FAM185A: variants seen among roughly 807,000 people sequenced by gnomAD.
FAM185A encodes the protein protein FAM185A.
A neutral mutation model predicts 45.7 loss-of-function variants in FAM185A; 21 were observed. That is an observed-to-expected ratio of 0.46 (90% confidence interval 0.33 to 0.66). FAM185A has a LOEUF of 0.66. Among genes scored for constraint, FAM185A ranks in the 30% least tolerant of loss-of-function variants. FAM185A has a pLI of 0.03. For synonymous variants in FAM185A, 117 were observed against 194.0 expected, an observed-to-expected ratio of 0.60 and a Z score of 3.30; for missense variants, 305 against 485.4, an observed-to-expected ratio of 0.63 and a Z score of 3.49.
intron 6 of FAM185A, among the ~76,000 whole-genome samples, chr7:102,781,172 C>A (rs1187393269): frequency 3.3e-5 from 5 of 152,210 alleles, no homozygotes; most frequent in Admixed American, 6.5e-5. Flanking sequence ...GAAGCTCGAA[C>A]TGGGTGGAGC....
rs1166283815 is a variant in FAM185A at position 102,808,384 on chromosome 7, C to T, written c.1161C>T (p.Ser387=). The T allele has an allele frequency of 6.5e-7, 1 of 1,543,644 alleles. No homozygotes were observed. Among genetic ancestry groups the T allele is most frequent in the African/African-American group, 1.4e-5 (1 of 72,838 alleles). ...TTAGAAGGCAAAGTTGGTTTCAGTC[C>T]CTGAAACTGCAGGACTAAAACTGAT... ...VSFRRQSWFQ[S]LKLQD The change falls in exon 8 of 8, where the codon TCC becomes TCT. Residue 387 remains serine (S), a synonymous_variant. Transcript: ENST00000413034.
At chr7:102,824,270 G>C in the FAM185A span, among the ~76,000 whole-genome samples, 2 of 151,954 alleles carry the variant, frequency 1.3e-5, no homozygotes, top group African/African-American at 2.4e-5. Context: ...TTGATTCCTT[G>C]AAAAAATGTT....
the FAM185A span, chr7:102,822,069 A>G: frequency 6.2e-7 from 1 of 1,614,104 alleles, no homozygotes; most frequent in East Asian, 2.2e-5. Flanking sequence ...ATTGCATCTT[A>G]AGGATCCGGA....
At chr7:102,833,596 C>T in the FAM185A span, among the ~76,000 whole-genome samples, 4,301 of 138,180 alleles carry the variant, frequency 0.031, 179 homozygotes, top group East Asian at 0.17. Context: ...CCGGCTAATT[C>T]TTTTTTTTTT....
chr7:102,843,312 G>A, the FAM185A span, among the ~76,000 whole-genome samples: 1 of 151,916 alleles, frequency 6.6e-6, no homozygotes. Context: ...GCGTGGTGGC[G>A]CATGCCTGTA....
At chr7:102,831,431 A>ACACCCCC in the FAM185A span, among the ~76,000 whole-genome samples, 3 of 147,126 alleles carry the variant, frequency 2.0e-5, no homozygotes, top group African/African-American at 7.5e-5. Flanking sequence ...ACACACACAC[A>ACACCCCC]CCCCACTACA....
the FAM185A span, among the ~76,000 whole-genome samples, chr7:102,823,422 G>A: frequency 6.6e-6 from 1 of 152,188 alleles, no homozygotes; most frequent in Non-Finnish European, 1.5e-5. Flanking sequence ...AAAGGGACAA[G>A]TAGGTGAGAC....
intron 6 of FAM185A, among the ~76,000 whole-genome samples, chr7:102,786,026 G>C (rs1480974915): frequency 6.6e-6 from 1 of 152,170 alleles, no homozygotes; most frequent in Non-Finnish European, 1.5e-5. Flanking sequence ...CAAAGGATAT[G>C]AACAGACACT....
At chr7:102,799,409 A>G (rs10241747) in intron 7 of FAM185A, among the ~76,000 whole-genome samples, 3,037 of 152,222 alleles carry the variant, frequency 0.02, 67 homozygotes, top group African/African-American at 0.069. Flanking sequence ...AAAGGGAGAG[A>G]TAAGAATTCA....
the FAM185A span, among the ~76,000 whole-genome samples, chr7:102,842,737 C>T: frequency 6.6e-6 from 1 of 152,108 alleles, no homozygotes; most frequent in Admixed American, 6.6e-5. Context: ...TACTCCTGGG[C>T]CTTTCTGACC....
At chr7:102,807,070 G>A (rs1176730059) in intron 7 of FAM185A, among the ~76,000 whole-genome samples, 1 of 151,942 alleles carries the variant, frequency 6.6e-6, no homozygotes, top group Non-Finnish European at 1.5e-5. Context: ...GAAAGAAGAC[G>A]GATTTTTTTA....
the FAM185A span, among the ~76,000 whole-genome samples, chr7:102,835,989 A>G: frequency 6.6e-6 from 1 of 152,202 alleles, no homozygotes; most frequent in African/African-American, 2.4e-5. Context: ...AGAAAAATTA[A>G]AGCAAGAAAG....
chr7:102,832,832 G>A, the FAM185A span: 10 of 1,613,950 alleles, frequency 6.2e-6, no homozygotes, highest in Non-Finnish European at 7.6e-6. Flanking sequence ...CCTGACTCCT[G>A]CACATACCTT....
the FAM185A span, among the ~76,000 whole-genome samples, chr7:102,821,271 C>A: frequency 3.3e-5 from 5 of 152,188 alleles, no homozygotes; most frequent in African/African-American, 1.2e-4. Context: ...GACCTACCCC[C>A]TTCTCTCTGA....
At chr7:102,809,243 A>G (rs940659030), downstream of FAM185A, 9 of 152,262 alleles carry the variant, frequency 5.9e-5, no homozygotes, top group African/African-American at 1.9e-4. Flanking sequence ...CTGATTCTTA[A>G]TATCTTTTGT....
downstream of FAM185A, among the ~76,000 whole-genome samples, chr7:102,814,045 C>T (rs1314927138): frequency 6.6e-6 from 1 of 152,030 alleles, no homozygotes; most frequent in Non-Finnish European, 1.5e-5. Context: ...AGGTTTGTGA[C>T]TCAAAGGTGT....
chr7:102,823,569 C>T, the FAM185A span, among the ~76,000 whole-genome samples: 530 of 152,308 alleles, frequency 3.5e-3, 1 homozygote, highest in Non-Finnish European at 4.6e-3. Flanking sequence ...AAGTATACTA[C>T]TTAGAGTATT....
chr7:102,819,144 G>A, the FAM185A span, among the ~76,000 whole-genome samples: 1 of 152,080 alleles, frequency 6.6e-6, no homozygotes, highest in Non-Finnish European at 1.5e-5. Flanking sequence ...CTGGGTTGTG[G>A]GGGCCATTGT....
At chr7:102,836,441 C>T in the FAM185A span, among the ~76,000 whole-genome samples, 20 of 152,184 alleles carry the variant, frequency 1.3e-4, no homozygotes, top group Non-Finnish European at 2.9e-4. Flanking sequence ...CATTTCCCCC[C>T]TACAGATAAG....
Sources: gnomAD v4.1 joint callset for allele counts (sites outside exome capture counted in the v4.1 genomes callset) on GRCh38, gnomAD v4.1.1 for gene constraint, MANE v1.5 for transcripts, NCBI Gene and HGNC (gene_info 2026-07-23, HGNC 2026-07-21) for gene names.